Variants in SYCP1 observed in about 807,000 individuals in gnomAD.
SYCP1 encodes the protein cancer/testis antigen 8.
SYCP1 carries 64 observed loss-of-function variants against 153.1 expected under a neutral mutation model. That is an observed-to-expected ratio of 0.42 (90% CI 0.34 to 0.51). The LOEUF (loss-of-function observed/expected upper bound fraction) is 0.51. Ranked by LOEUF, SYCP1 falls within the 20% of genes least tolerant of loss-of-function variation. The pLI is 0.06. For missense variants in SYCP1, 997 were observed against 1,049.0 expected (o/e 0.95, Z 0.68); for synonymous variants, 384 against 341.8 (o/e 1.12, Z -1.36).
intron 5 of SYCP1, among the ~76,000 whole-genome samples, chr1:114,858,250 T>C (rs1331204728): frequency 6.6e-6 from 1 of 152,180 alleles, no homozygotes; most frequent in Non-Finnish European, 1.5e-5. Context: ...TCTTATAGGA[T>C]GATTTATTTT....
chr1:114,952,067 A>G (rs1055896939), intron 27 of SYCP1, among the ~76,000 whole-genome samples: 2 of 152,312 alleles, frequency 1.3e-5, no homozygotes, highest in African/African-American at 4.8e-5. Context: ...TTGCCCAGTC[A>G]AGGGTACCTA....
At position 114,995,265 on chromosome 1, in the gene SYCP1, T is replaced by C. The variant is rs1674206445; in HGVS notation, c.*246T>C. 3.5e-6 allele frequency: 1 copy of C among 284,068 alleles called. No individual in the cohort carries two copies. The highest frequency in any genetic ancestry group is 6.4e-6 in the Non-Finnish European group (1 of 156,176). The allele number at this position is 284,068 out of a possible 1,614,324, so 17.6% of individuals were successfully genotyped here. ...TACTTTTTCTTGTATTCATGAAAAC[T>C]GTTTTTACTAAGTTTTCAAATTTGT... is the stretch of plus-strand genomic sequence containing the variant. On this transcript the variant is annotated 3_prime_UTR_variant, in exon 32 of 32. Transcript: ENST00000369522.
In SYCP1 at chr1:114,976,546, C is replaced by T. The variant is rs142887557; in HGVS notation, c.2323-1011C>T. ...ATTGCAGAGACAGTGCAGTTGTAGG[C>T]GATGGTTTCTCCCGTCTGTCCTCTA... On this transcript the variant is annotated intron_variant, in intron 27 of 31. Coordinates refer to ENST00000369522, the MANE Select transcript of SYCP1 (RefSeq NM_003176.4). Among the ~76,000 whole-genome samples, 1,169 of 151,272 alleles carry T rather than the reference C, an allele frequency of 7.7e-3. 4 individuals are homozygous for T. The highest frequency in any genetic ancestry group is 0.013 in the Non-Finnish European group (851 of 67,554).
chr1:114,899,304 C>CA lies in SYCP1; in HGVS notation c.1320+3799dup, dbSNP rs147020708. 7.4e-3 allele frequency among the ~76,000 whole-genome samples: 1,132 copies of CA among 152,158 alleles called. 29 individuals are homozygous for CA. The highest frequency in any genetic ancestry group is 0.032 in the Admixed American group (487 of 15,284). On this transcript the variant is annotated intron_variant, in intron 16 of 31. Transcript: ENST00000369522. ...CAATTATTAAAGGCTGTAAATAGTC[C>CA]AAAATGTTTCCTTTACTCTGAAAAA...
intron 27 of SYCP1, among the ~76,000 whole-genome samples, chr1:114,966,574 AT>A (rs1367475112): frequency 5.3e-5 from 8 of 152,004 alleles, no homozygotes; most frequent in Admixed American, 5.2e-4. Context: ...TAAAGAACTT[AT>A]TTAGTTCCAC....
At chr1:114,874,743 A>G (rs1382552790) in intron 9 of SYCP1, among the ~76,000 whole-genome samples, 179 bp downstream of exon 9, 3 of 152,236 alleles carry the variant, frequency 2.0e-5, no homozygotes, top group Non-Finnish European at 2.9e-5. Flanking sequence ...AATGTTATGT[A>G]GGAGCTTTTT....
intron 27 of SYCP1, among the ~76,000 whole-genome samples, chr1:114,973,317 G>A (rs943422114): frequency 6.6e-6 from 1 of 151,886 alleles, no homozygotes; most frequent in Admixed American, 6.6e-5. Flanking sequence ...AATTCTTTAT[G>A]GTTGTGGTTG....
At chr1:114,983,235 T>C (rs1328635101) in intron 29 of SYCP1, among the ~76,000 whole-genome samples, 1 of 152,052 alleles carries the variant, frequency 6.6e-6, no homozygotes, top group Non-Finnish European at 1.5e-5. Context: ...CGTGGCCTTC[T>C]ATATTTCCAG....
chr1:114,921,344 ATTG>A (rs1170507258), intron 20 of SYCP1, among the ~76,000 whole-genome samples: 5 of 151,774 alleles, frequency 3.3e-5, no homozygotes, highest in Non-Finnish European at 7.4e-5. Context: ...GTCTGGAAAA[ATTG>A]TTATTATTTT....
intron 27 of SYCP1, among the ~76,000 whole-genome samples, chr1:114,970,569 G>A (rs949817459): frequency 3.3e-5 from 5 of 152,056 alleles, no homozygotes; most frequent in Non-Finnish European, 7.4e-5. Flanking sequence ...GGACTCAAGG[G>A]CTGCTGTTCA....
chr1:114,855,190 GGGA>G, intron 1 of SYCP1, 172 bp downstream of exon 1: 1 of 205,924 alleles, frequency 4.9e-6, no homozygotes, highest in Admixed American at 5.9e-5. Flanking sequence ...GACAGGAGAA[GGGA>G]ACGGGCTTTC....
chr1:114,877,205 A>G (rs190254669), intron 11 of SYCP1, among the ~76,000 whole-genome samples: 2 of 152,264 alleles, frequency 1.3e-5, no homozygotes, highest in Admixed American at 6.5e-5. Flanking sequence ...AAGAGGAACT[A>G]AAATATTCTG....
chr1:114,972,001 C>T (rs1672518993), intron 27 of SYCP1, among the ~76,000 whole-genome samples: 2 of 152,042 alleles, frequency 1.3e-5, no homozygotes, highest in South Asian at 4.1e-4. Context: ...GGTATTAATT[C>T]TTCTTTAAAT....
At chr1:114,938,379 C>G (rs1670165693) in intron 23 of SYCP1, among the ~76,000 whole-genome samples, 1 of 139,966 alleles carries the variant, frequency 7.1e-6, no homozygotes, top group South Asian at 2.3e-4. Context: ...TGGGGAACAT[C>G]ACACACCAGG....
At chr1:114,919,996 T>C (rs1048265637) in intron 20 of SYCP1, among the ~76,000 whole-genome samples, 2 of 152,048 alleles carry the variant, frequency 1.3e-5, no homozygotes, top group African/African-American at 4.8e-5. Flanking sequence ...ATTTCATTTA[T>C]TTCTGCTCTG....
chr1:114,984,651 T>A, intron 29 of SYCP1, 74 bp from the exon 30 acceptor site: 1 of 1,199,266 alleles, frequency 8.3e-7, no homozygotes, highest in Non-Finnish European at 1.1e-6. Flanking sequence ...GCCTTAAAAT[T>A]ATTTGTGAAA....
At chr1:114,893,330 CTATCTT>C (rs1021396593) in intron 15 of SYCP1, among the ~76,000 whole-genome samples, 1 of 152,050 alleles carries the variant, frequency 6.6e-6, no homozygotes, top group Non-Finnish European at 1.5e-5. Flanking sequence ...TATCTCATCT[CTATCTT>C]TATCTGTATC....
At chr1:114,942,764 T>C (rs1007691981) in intron 23 of SYCP1, among the ~76,000 whole-genome samples, 2 of 151,888 alleles carry the variant, frequency 1.3e-5, no homozygotes, top group African/African-American at 2.4e-5. Flanking sequence ...GACCTGGTAG[T>C]AAAGAAAGAT....
In SYCP1 at chr1:114,886,322, T is replaced by C. The variant is rs1570701013; in HGVS notation, c.1190+13T>C. Reference sequence around the variant, plus strand: ...CAGAACAGCAAAGGTAAAATATTTATTATTTTTAATACACAAAATAAGTGA... The same window carrying C: ...CAGAACAGCAAAGGTAAAATATTTACTATTTTTAATACACAAAATAAGTGA... On this transcript the variant is annotated intron_variant, in intron 14 of 31. Transcript: ENST00000369522. 1 of 1,495,396 alleles carries C rather than the reference T, an allele frequency of 6.7e-7. No homozygotes were observed. Among genetic ancestry groups the C allele is most frequent in the East Asian group, 2.4e-5 (1 of 41,542 alleles). 92.6% of individuals were successfully genotyped at this position (1,495,396 alleles called of 1,614,324 possible). A position where few individuals can be genotyped will look rare whatever the true frequency, so the allele number is the denominator to read the frequency against.
Sources: allele counts gnomAD v4.1 joint callset (sites outside exome capture counted in the v4.1 genomes callset), GRCh38; gene constraint gnomAD v4.1.1; transcripts MANE v1.5; gene names NCBI Gene and HGNC (gene_info 2026-07-23, HGNC 2026-07-21).